Variants in DAB1 observed in about 807,000 individuals in gnomAD.
DAB1 encodes the protein DAB adaptor protein 1.
A neutral mutation model predicts 64.6 loss-of-function variants in DAB1; 15 were observed. That is an observed-to-expected ratio of 0.23 (90% CI 0.16 to 0.36). The LOEUF is 0.36. Ranked by LOEUF, DAB1 falls within the 10% of genes least tolerant of loss-of-function variation. DAB1 has a pLI of 1.00. For synonymous variants in DAB1, 235 were observed against 251.9 expected, an observed-to-expected ratio of 0.93 and a Z score of 0.64; for missense variants, 596 against 706.7, an observed-to-expected ratio of 0.84 and a Z score of 1.78.
At chr1:57,700,628 G>C (rs935142960) in intron 6 of DAB1, among the ~76,000 whole-genome samples, 4 of 151,986 alleles carry the variant, frequency 2.6e-5, no homozygotes, top group African/African-American at 9.7e-5. Flanking sequence ...CTTTGTCCTC[G>C]ATCTTTGAGA....
intron 2 of DAB1, among the ~76,000 whole-genome samples, chr1:57,203,350 G>A (rs145105599): frequency 9.2e-5 from 14 of 151,994 alleles, no homozygotes; most frequent in African/African-American, 2.7e-4. Context: ...TCTTCCTACC[G>A]AACCATAAGC....
At chr1:57,563,404 A>G (rs1010052405) in intron 7 of DAB1, among the ~76,000 whole-genome samples, 2 of 152,172 alleles carry the variant, frequency 1.3e-5, no homozygotes, top group Non-Finnish European at 2.9e-5. Flanking sequence ...CAACTGAGGT[A>G]CCAGGTTTAT....
chr1:58,472,325 T>C (rs1645368395), intron 3 of DAB1, among the ~76,000 whole-genome samples: 1 of 152,260 alleles, frequency 6.6e-6, no homozygotes, highest in Admixed American at 6.5e-5. Context: ...CTTCCTCATC[T>C]GTCTTCACTA....
At chr1:58,503,117 T>C (rs1056110897) in intron 3 of DAB1, among the ~76,000 whole-genome samples, 2 of 152,196 alleles carry the variant, frequency 1.3e-5, no homozygotes, top group Non-Finnish European at 2.9e-5. Context: ...AGTCTTCACA[T>C]GAAAAGTTGG....
intron 5 of DAB1, among the ~76,000 whole-genome samples, chr1:58,076,136 A>G (rs1649626439): frequency 6.6e-6 from 1 of 152,164 alleles, no homozygotes; most frequent in African/African-American, 2.4e-5. Flanking sequence ...TTGATATATA[A>G]TAATAGTAAC....
At chr1:57,316,038 C>G (rs950556278) in intron 1 of DAB1, among the ~76,000 whole-genome samples, 5 of 152,168 alleles carry the variant, frequency 3.3e-5, no homozygotes, top group African/African-American at 1.2e-4. Context: ...GATCGGAAAA[C>G]TGTAGACAAA....
chr1:57,374,043 C>T (rs1359514706), intron 1 of DAB1, among the ~76,000 whole-genome samples: 5 of 152,118 alleles, frequency 3.3e-5, no homozygotes, highest in Admixed American at 6.6e-5. Context: ...ATGGTAAATC[C>T]ATGGGGACAG....
intron 5 of DAB1, among the ~76,000 whole-genome samples, chr1:58,020,197 G>A (rs989757085): frequency 2.0e-5 from 3 of 152,136 alleles, no homozygotes; most frequent in Admixed American, 6.5e-5. Flanking sequence ...GGAAATGTTC[G>A]CCTGTAATCC....
intron 4 of DAB1, among the ~76,000 whole-genome samples, chr1:58,336,402 G>A (rs1038453498): frequency 1.3e-5 from 2 of 152,164 alleles, no homozygotes; most frequent in African/African-American, 4.8e-5. Flanking sequence ...TGATCTGTGA[G>A]GTTGAGATGT....
chr1:58,250,653 GCT>G (rs1303113076), intron 4 of DAB1, among the ~76,000 whole-genome samples: 1 of 152,190 alleles, frequency 6.6e-6, no homozygotes, highest in Non-Finnish European at 1.5e-5. Context: ...CTGAATGTGA[GCT>G]CTGAGGGGGA....
chr1:57,553,386 G>GAGAAAGAAAGAAAGAAAGAA (rs1553193728), intron 7 of DAB1, among the ~76,000 whole-genome samples: 3 of 14,618 alleles, frequency 2.1e-4, no homozygotes, highest in Admixed American at 8.8e-4. Context: ...GGAAGAAAGA[G>GAGAAAGAAAGAAAGAAAGAA]AAAGAAAGAA....
At chr1:57,462,625 G>A (rs1029469497) in intron 7 of DAB1, among the ~76,000 whole-genome samples, 1 of 152,164 alleles carries the variant, frequency 6.6e-6, no homozygotes, top group Non-Finnish European at 1.5e-5. Flanking sequence ...ACAACCCTAT[G>A]AGAGGGTCGT....
At chr1:57,321,080 G>A (rs1053160925) in intron 1 of DAB1, among the ~76,000 whole-genome samples, 1 of 152,164 alleles carries the variant, frequency 6.6e-6, no homozygotes, top group Non-Finnish European at 1.5e-5. Flanking sequence ...CAAAGGTAAT[G>A]TGTTAAAGGG....
intron 4 of DAB1, among the ~76,000 whole-genome samples, chr1:57,124,565 A>G (rs1223450917): frequency 6.6e-6 from 1 of 152,236 alleles, no homozygotes; most frequent in Non-Finnish European, 1.5e-5. Flanking sequence ...AGACATCATG[A>G]AAGATTCAGA....
chr1:58,091,711 A>G (rs959904395), intron 5 of DAB1, among the ~76,000 whole-genome samples: 1 of 152,010 alleles, frequency 6.6e-6, no homozygotes, highest in Non-Finnish European at 1.5e-5. Flanking sequence ...GCTACTTCCA[A>G]ATATGTCTTC....
intron 6 of DAB1, among the ~76,000 whole-genome samples, chr1:57,677,936 A>G (rs1646587492): frequency 6.6e-6 from 1 of 152,222 alleles, no homozygotes; most frequent in African/African-American, 2.4e-5. Flanking sequence ...TATTAGAATC[A>G]TGAGTATGGC....
At chr1:58,545,553 G>C (rs1022119111) in intron 1 of DAB1, among the ~76,000 whole-genome samples, 1 of 152,118 alleles carries the variant, frequency 6.6e-6, no homozygotes, top group African/African-American at 2.4e-5. Flanking sequence ...AAAGAGCTGT[G>C]GCAGGTCAAC....
At chr1:57,364,829 T>A (rs889346119) in intron 1 of DAB1, among the ~76,000 whole-genome samples, 2 of 149,022 alleles carry the variant, frequency 1.3e-5, no homozygotes, top group East Asian at 3.9e-4. Context: ...AAAGAAATAA[T>A]AAATTGTTTA....
chr1:57,552,130 C>T (rs1644921202), intron 7 of DAB1, among the ~76,000 whole-genome samples: 1 of 152,106 alleles, frequency 6.6e-6, no homozygotes, highest in African/African-American at 2.4e-5. Flanking sequence ...TTGCTACAGC[C>T]AGGGAGAGTC....
Sources: gnomAD v4.1 joint callset for allele counts (sites outside exome capture counted in the v4.1 genomes callset) on GRCh38, gnomAD v4.1.1 for gene constraint, MANE v1.5 for transcripts, NCBI Gene and HGNC (gene_info 2026-07-23, HGNC 2026-07-21) for gene names.